MAPRE2: variants seen among roughly 807,000 people sequenced by gnomAD.
MAPRE2 encodes microtubule-associated protein RP/EB family member 2.
In MAPRE2, 13 loss-of-function variants were observed where a neutral mutation model predicts 43.2. The observed-to-expected ratio is 0.30, with a 90% CI of 0.20 to 0.48. MAPRE2 has a LOEUF of 0.48. Ranked by LOEUF, MAPRE2 falls within the 20% of genes least tolerant of loss-of-function variation. The pLI, the probability that MAPRE2 is intolerant of heterozygous loss-of-function variation, is 0.99. For missense variants in MAPRE2, 161 were observed against 400.2 expected (o/e 0.40, Z 5.10); for synonymous variants, 135 against 148.8 (o/e 0.91, Z 0.68).
At chr18:35,065,247 A>G (rs1317742081) in intron 1 of MAPRE2, among the ~76,000 whole-genome samples, 1 of 151,976 alleles carries the variant, frequency 6.6e-6, no homozygotes, top group East Asian at 1.9e-4. Flanking sequence ...GCAGTGAGCC[A>G]AGATCGCGCT....
At chr18:35,055,011 T>A (rs1479397536) in intron 1 of MAPRE2, among the ~76,000 whole-genome samples, 1 of 152,228 alleles carries the variant, frequency 6.6e-6, no homozygotes, top group Admixed American at 6.5e-5. Flanking sequence ...GGTATACCTA[T>A]ACGGTTAAGT....
At chr18:35,066,427 T>C (rs949812567) in intron 1 of MAPRE2, among the ~76,000 whole-genome samples, 1 of 152,254 alleles carries the variant, frequency 6.6e-6, no homozygotes, top group African/African-American at 2.4e-5. Context: ...TTTACCTTTA[T>C]ATTGTCATAT....
chr18:34,995,496 A>C (rs1446332325), intron 1 of MAPRE2, among the ~76,000 whole-genome samples: 1 of 152,138 alleles, frequency 6.6e-6, no homozygotes, highest in African/African-American at 2.4e-5. Context: ...TTGTTAAAAC[A>C]CTCTCTAATG....
intron 4 of MAPRE2, among the ~76,000 whole-genome samples, chr18:35,118,120 G>A (rs1401624487): frequency 6.6e-6 from 1 of 152,106 alleles, no homozygotes; most frequent in Non-Finnish European, 1.5e-5. Context: ...AGGAGAGTCA[G>A]GCCCTCTGTC....
chr18:35,071,170 T>TA (rs1205964356), intron 2 of MAPRE2, among the ~76,000 whole-genome samples: 1 of 152,276 alleles, frequency 6.6e-6, no homozygotes, highest in East Asian at 1.9e-4. Flanking sequence ...TAAACTTCTT[T>TA]AAAAAATAAA....
At chr18:35,117,235 G>GC (rs1345208686) in intron 4 of MAPRE2, among the ~76,000 whole-genome samples, 1 of 152,200 alleles carries the variant, frequency 6.6e-6, no homozygotes, top group African/African-American at 2.4e-5. Context: ...TGGACCAGGA[G>GC]CCTGGTGAGC....
chr18:35,092,435 A>G (rs776497988), intron 2 of MAPRE2, among the ~76,000 whole-genome samples: 3 of 152,206 alleles, frequency 2.0e-5, no homozygotes, highest in Non-Finnish European at 2.9e-5. Context: ...CTAGATCCCT[A>G]TCTCTTACCA....
chr18:35,064,000 T>TAAAAAAAAAAAAA lies in MAPRE2; in HGVS notation c.123-6174_123-6162dup, dbSNP rs575347953. Among the ~76,000 whole-genome samples, 221 of 33,942 alleles carry TAAAAAAAAAAAAA rather than the reference T, an allele frequency of 6.5e-3. 32 individuals carry two copies. Among genetic ancestry groups the TAAAAAAAAAAAAA allele is most frequent in the Middle Eastern group, 0.05 (2 of 40 alleles). The allele number at this position is 33,942 out of a possible 152,430, so 22.3% of individuals were successfully genotyped here. On this transcript the variant is annotated intron_variant, in intron 1 of 6. Coordinates refer to ENST00000300249, the MANE Select transcript of MAPRE2 (RefSeq NM_014268.4). ...ACTGCCGAGTGAGACCCTGTCTCTT[T>TAAAAAAAAAAAAA]AAAAAAAAAAAAAAAAAAAAAAAAA...
chr18:35,006,085 C>T (rs1402721281), intron 2 of MAPRE2, among the ~76,000 whole-genome samples: 1 of 152,150 alleles, frequency 6.6e-6, no homozygotes, highest in Non-Finnish European at 1.5e-5. Context: ...TTATTTCGAA[C>T]TATTACTCTA....
rs796434537 is a variant in MAPRE2, at chr18:34,980,031, CTTTTT to C, written c.-70+2971_-70+2975del. Among the ~76,000 whole-genome samples the C allele has an allele frequency of 1.0e-3, 46 of 46,120 alleles. No individual in the cohort carries two copies. In the East Asian group the frequency reaches 0.017, roughly 18 times the overall value. The allele number at this position is 46,120 out of a possible 152,430, so 30.3% of individuals were successfully genotyped here. On this transcript the variant is annotated intron_variant, in intron 1 of 7. Transcript: ENST00000413393. ...CTTTTCTTTTTCTTTTTCTTTTTTT[CTTTTT>C]TTTTTTTTTTTTTTTTTTGAGACAG...
chr18:35,050,033 T>G (rs1333702362), intron 1 of MAPRE2, among the ~76,000 whole-genome samples: 3 of 152,220 alleles, frequency 2.0e-5, no homozygotes, highest in African/African-American at 7.2e-5. Context: ...CAGTATGCTA[T>G]TACATAAAAA....
chr18:35,137,652 G>A (rs1409060956), intron 6 of MAPRE2, among the ~76,000 whole-genome samples: 2 of 152,216 alleles, frequency 1.3e-5, no homozygotes, highest in East Asian at 3.8e-4. Context: ...CCACACTCAC[G>A]TTCAAGAGTT....
At chr18:34,995,391 T>C (rs72950539) in intron 1 of MAPRE2, among the ~76,000 whole-genome samples, 178 of 152,322 alleles carry the variant, frequency 1.2e-3, no homozygotes, top group Non-Finnish European at 1.9e-3. Context: ...TCCAATTGCC[T>C]ACACAAGAAA....
chr18:35,012,677 G>C (rs2097035545), intron 2 of MAPRE2, among the ~76,000 whole-genome samples: 1 of 152,146 alleles, frequency 6.6e-6, no homozygotes, highest in Non-Finnish European at 1.5e-5. Flanking sequence ...CCACTTATGT[G>C]AGCTATCTAG....
chr18:34,981,723 T>C (rs1197954681), intron 1 of MAPRE2, among the ~76,000 whole-genome samples: 3 of 152,126 alleles, frequency 2.0e-5, no homozygotes, highest in African/African-American at 7.2e-5. Context: ...TTGACTCCTT[T>C]TCCAGTGTTT....
chr18:34,997,582 G>T (rs566622173), intron 1 of MAPRE2, among the ~76,000 whole-genome samples: 3 of 152,174 alleles, frequency 2.0e-5, no homozygotes, highest in African/African-American at 7.2e-5. Context: ...TTGGGAGGCT[G>T]AGGCGGGCGG....
intron 2 of MAPRE2, among the ~76,000 whole-genome samples, chr18:35,084,385 A>G (rs1306976774): frequency 6.6e-6 from 1 of 152,222 alleles, no homozygotes; most frequent in Non-Finnish European, 1.5e-5. Flanking sequence ...AGTTTGGTGC[A>G]GGCCTATAAG....
At chr18:35,020,258 G>A (rs541433782) in intron 2 of MAPRE2, among the ~76,000 whole-genome samples, 3 of 152,194 alleles carry the variant, frequency 2.0e-5, no homozygotes, top group South Asian at 4.1e-4. Context: ...TAAAGAACTC[G>A]ATTCTAGGCC....
At chr18:35,092,590 A>G (rs114819715) in intron 2 of MAPRE2, among the ~76,000 whole-genome samples, 2,096 of 152,332 alleles carry the variant, frequency 0.014, 52 homozygotes, top group African/African-American at 0.048. Context: ...AGCACAGCTA[A>G]CAAAAGCAAA....
Sources: allele counts gnomAD v4.1 joint callset (sites outside exome capture counted in the v4.1 genomes callset), GRCh38; gene constraint gnomAD v4.1.1; transcripts MANE v1.5; gene names NCBI Gene and HGNC (gene_info 2026-07-23, HGNC 2026-07-21).